Variants in IGHMBP2 observed in about 807,000 individuals in gnomAD.
The protein encoded by IGHMBP2 is DNA-binding protein SMUBP-2.
In IGHMBP2, 81 loss-of-function variants were observed where a neutral mutation model predicts 96.0. That is an observed-to-expected ratio of 0.84 (90% CI 0.71 to 1.01). The LOEUF (loss-of-function observed/expected upper bound fraction) is 1.01. Among genes scored for constraint, IGHMBP2 ranks in the 50% least tolerant of loss-of-function variants. The probability of loss-of-function intolerance (pLI) is 0.00; values close to 1 mark genes in which losing one functional copy is unlikely to be tolerated. For synonymous variants in IGHMBP2, 557 were observed against 548.9 expected (o/e 1.01, Z -0.21); for missense variants, 1,227 against 1,306.3 (o/e 0.94, Z 0.94).
At chr11:68,933,274 C>T (rs753509011) in intron 8 of IGHMBP2, 25 bp from the exon 9 acceptor site, 18 of 1,604,874 alleles carry the variant, frequency 1.1e-5, no homozygotes, top group Non-Finnish European at 1.4e-5. Context: ...GGCCTGCCTT[C>T]CCCCTTTCTC....
In IGHMBP2 at chr11:68,908,455, G is replaced by A. The variant is rs1858290553; in HGVS notation, c.450-79G>A. On this transcript the variant is annotated intron_variant, in intron 3 of 14. Transcript: ENST00000255078. ...GTCATGGTGTGGGTGTGGCCCTCATGGGAGTTGGTGGCAGCATTGGGGCAG... is the reference window on the plus strand; with the variant it reads ...GTCATGGTGTGGGTGTGGCCCTCATAGGAGTTGGTGGCAGCATTGGGGCAG... 7 of 1,443,994 alleles carry A rather than the reference G, an allele frequency of 4.8e-6. No individual in the cohort carries two copies. The South Asian group carries it at 5.7e-5, about 12-fold the overall frequency. 89.4% of individuals were successfully genotyped at this position (1,443,994 alleles called of 1,614,324 possible). A position where few individuals can be genotyped will look rare whatever the true frequency, so the allele number is the denominator to read the frequency against.
intron 11 of IGHMBP2, 46 bp from the exon 12 acceptor site, chr11:68,935,253 G>T: frequency 6.2e-7 from 1 of 1,611,134 alleles, no homozygotes; most frequent in Middle Eastern, 1.8e-4. Context: ...GTCTTGCTGC[G>T]CTGGCATGGG....
At chr11:68,934,754 GC>G (rs1859460440) in intron 11 of IGHMBP2, among the ~76,000 whole-genome samples, 196 bp downstream of exon 11, 1 of 152,168 alleles carries the variant, frequency 6.6e-6, no homozygotes, top group Admixed American at 6.5e-5. Flanking sequence ...GCCCCACCTT[GC>G]CCCGCCCTGC....
At chr11:68,925,142 CTTT>C (rs921409570) in intron 7 of IGHMBP2, among the ~76,000 whole-genome samples, 7 of 108,708 alleles carry the variant, frequency 6.4e-5, no homozygotes, top group Admixed American at 9.5e-5. Flanking sequence ...AGTCCAGGTT[CTTT>C]TTTTTTTTTT....
At chr11:68,933,600 T>A in intron 9 of IGHMBP2, 119 bp downstream of exon 9, 1 of 1,322,708 alleles carries the variant, frequency 7.6e-7, no homozygotes. Flanking sequence ...ACTCTGAGGC[T>A]AGCTTTTTGG....
chr11:68,924,375 A>G (rs1858987926), intron 7 of IGHMBP2, among the ~76,000 whole-genome samples: 1 of 152,266 alleles, frequency 6.6e-6, no homozygotes, highest in South Asian at 2.1e-4. Context: ...CCACAAAGGT[A>G]GCAGCTGAAA....
intron 4 of IGHMBP2, among the ~76,000 whole-genome samples, chr11:68,908,949 T>A (rs926045789): frequency 6.6e-6 from 1 of 151,456 alleles, no homozygotes; most frequent in Non-Finnish European, 1.5e-5. Context: ...CAAGTGATTC[T>A]TTTGCCTCAA....
Position 68,909,186 on chromosome 11 carries a change from G to A in IGHMBP2, c.547+555G>A, listed in dbSNP as rs1408039969. 3.1e-3 allele frequency among the ~76,000 whole-genome samples: 308 copies of A among 99,682 alleles called. 3 individuals carry two copies. Among genetic ancestry groups the A allele is most frequent in the African/African-American group, 0.011 (294 of 25,998 alleles). The allele number at this position is 99,682 out of a possible 152,430, so 65.4% of individuals were successfully genotyped here. The stretch of plus-strand genomic sequence containing the variant: ...AAAATTTTTTTTTGGCGGGGGGGGT[G>A]GAGGGGGGGGGCGGATGGAGTCTCG... On this transcript the variant is annotated intron_variant, in intron 4 of 14. Coordinates refer to ENST00000255078, the MANE Select transcript of IGHMBP2 (RefSeq NM_002180.3).
In IGHMBP2 at chr11:68,937,088, A is replaced by G. The variant is rs374632016; in HGVS notation, c.2608A>G (p.Lys870Glu). ...KLPEKKKKKA[K>E]GHPATDLPTE... ...TCCAGAAAAGAAAAAGAAAAAAGCCAAAGGTAAGTCAACTAATAAGAACTT... is the reference window on the plus strand; with the variant it reads ...TCCAGAAAAGAAAAAGAAAAAAGCCGAAGGTAAGTCAACTAATAAGAACTT... The change falls in exon 13 of 15, where the codon AAA becomes GAA. Residue 870 changes from lysine to glutamate, a missense_variant. Transcript: ENST00000255078. The G allele has an allele frequency of 1.9e-5, 31 of 1,597,256 alleles. No individual in the cohort carries two copies. In the African/African-American group the frequency reaches 3.5e-4, roughly 18 times the overall value.
chr11:68,929,664 T>G, intron 8 of IGHMBP2: 1 of 870,588 alleles, frequency 1.1e-6, no homozygotes, highest in Non-Finnish European at 1.4e-6. Context: ...ACCAGGCAGG[T>G]TTGATGGTAG....
At chr11:68,911,672 C>T in intron 5 of IGHMBP2, 69 bp downstream of exon 5, 1 of 1,463,594 alleles carries the variant, frequency 6.8e-7, no homozygotes, top group Non-Finnish European at 9.5e-7. Context: ...AGTGGGTGCT[C>T]AGCGACCTTT....
chr11:68,908,305 T>G lies in IGHMBP2; in HGVS notation c.417T>G (p.Leu139=). The G allele has an allele frequency of 6.2e-7, 1 of 1,614,164 alleles. No individual in the cohort carries two copies. The highest frequency in any genetic ancestry group is 8.5e-7 in the Non-Finnish European group (1 of 1,180,026). ...DRENSYRLLK[L]ANDVTYRRLK... ...AGAATTCCTACAGACTGTTAAAACT[T>G]GCCAATGATGTCACTTACAGGCGAC... Residue 139 remains leucine (L), a synonymous_variant, in exon 3 of 15, where the codon CTT becomes CTG. Coordinates refer to ENST00000255078, the MANE Select transcript of IGHMBP2 (RefSeq NM_002180.3).
intron 14 of IGHMBP2, 119 bp from the exon 15 acceptor site, chr11:68,939,414 CG>C: frequency 1.0e-6 from 1 of 1,004,918 alleles, no homozygotes; most frequent in Non-Finnish European, 1.5e-6. Flanking sequence ...ACTGACATGG[CG>C]GGAGGAGTGG....
At chr11:68,937,930 A>C in intron 13 of IGHMBP2, 1 of 513,564 alleles carries the variant, frequency 1.9e-6, no homozygotes, top group Non-Finnish European at 3.5e-6. Context: ...CTGACAGGGT[A>C]GCAGAGGGAA....
intron 7 of IGHMBP2, among the ~76,000 whole-genome samples, chr11:68,918,452 G>A (rs1356529864): frequency 6.6e-6 from 1 of 152,042 alleles, no homozygotes; most frequent in Non-Finnish European, 1.5e-5. Context: ...GACCTGCCTA[G>A]CCAACATGGT....
At chr11:68,937,265 T>C (rs536900183) in intron 13 of IGHMBP2, among the ~76,000 whole-genome samples, 174 bp downstream of exon 13, 3 of 152,270 alleles carry the variant, frequency 2.0e-5, no homozygotes, top group East Asian at 3.9e-4. Flanking sequence ...TGGGCTCCCC[T>C]AGGTCGGTGA....
chr11:68,918,268 CT>C (rs1390572224), intron 7 of IGHMBP2, among the ~76,000 whole-genome samples: 1 of 149,918 alleles, frequency 6.7e-6, no homozygotes, highest in African/African-American at 2.4e-5. Context: ...TTTGTGTGCT[CT>C]TTTTTTTCCT....
chr11:68,912,128 T>A (rs1447481801), intron 5 of IGHMBP2, among the ~76,000 whole-genome samples: 5 of 152,250 alleles, frequency 3.3e-5, no homozygotes, highest in Non-Finnish European at 5.9e-5. Context: ...AAATTTTTTT[T>A]ATTTTTATTT....
At chr11:68,913,043 CAAAAAAAAA>C (rs71043469) in intron 5 of IGHMBP2, among the ~76,000 whole-genome samples, 6 of 37,478 alleles carry the variant, frequency 1.6e-4, no homozygotes, top group South Asian at 1.8e-3. Context: ...ACTCCATCTC[CAAAAAAAAA>C]AAAAAAAAAA....
Sources: gnomAD v4.1 joint callset for allele counts (sites outside exome capture counted in the v4.1 genomes callset) on GRCh38, gnomAD v4.1.1 for gene constraint, MANE v1.5 for transcripts, NCBI Gene and HGNC (gene_info 2026-07-23, HGNC 2026-07-21) for gene names.